The following FNDC3B variants were observed in gnomAD, a reference collection of about 807,000 sequenced individuals.
FNDC3B encodes fibronectin type III domain-containing protein 3B.
In FNDC3B, 12 loss-of-function variants were observed where a neutral mutation model predicts 151.5. That is an observed-to-expected ratio of 0.08 (90% CI 0.05 to 0.13). FNDC3B has a LOEUF of 0.13. FNDC3B is among the 10% of genes least tolerant of loss of function. The pLI is 1.00. For missense variants in FNDC3B, 1,214 were observed against 1,505.3 expected (o/e 0.81, Z 3.20); for synonymous variants, 528 against 549.0 (o/e 0.96, Z 0.54).
chr3:172,177,157 A>T (rs62283844), intron 3 of FNDC3B, among the ~76,000 whole-genome samples: 21,493 of 142,590 alleles, frequency 0.15, 1,706 homozygotes, highest in Non-Finnish European at 0.18. Context: ...ACCAGATTCT[A>T]CAAGGAAATA....
chr3:172,237,251 A>C (rs967687181), intron 4 of FNDC3B: 15 of 152,192 alleles, frequency 9.9e-5, no homozygotes, highest in Admixed American at 9.8e-4. Context: ...TGTTAACTGG[A>C]GCTAACCCTT....
At chr3:172,317,895 AC>A (rs1430384245) in intron 11 of FNDC3B, among the ~76,000 whole-genome samples, 1 of 152,244 alleles carries the variant, frequency 6.6e-6, no homozygotes, top group Non-Finnish European at 1.5e-5. Context: ...TAACTTCTGG[AC>A]ATGACATGCA....
intron 11 of FNDC3B, among the ~76,000 whole-genome samples, chr3:172,313,122 G>C (rs1169005466): frequency 6.6e-6 from 1 of 151,776 alleles, no homozygotes; most frequent in Non-Finnish European, 1.5e-5. Context: ...GCTCTGTTGA[G>C]CTTTGCTGAA....
chr3:172,069,289 G>C (rs1717654186), intron 1 of FNDC3B, among the ~76,000 whole-genome samples: 1 of 152,124 alleles, frequency 6.6e-6, no homozygotes, highest in South Asian at 2.1e-4. Context: ...GAAGTGGACA[G>C]TTTTGAATAT....
chr3:172,191,419 C>T (rs925275821), intron 3 of FNDC3B, among the ~76,000 whole-genome samples: 2 of 152,114 alleles, frequency 1.3e-5, no homozygotes, highest in African/African-American at 2.4e-5. Flanking sequence ...ATCATCATTC[C>T]CCATTCTAGA....
intron 1 of FNDC3B, among the ~76,000 whole-genome samples, chr3:172,060,625 G>A (rs1163084207): frequency 2.0e-5 from 3 of 152,170 alleles, no homozygotes; most frequent in African/African-American, 7.2e-5. Context: ...GCAGGGAGAT[G>A]TCTAATTCCT....
intron 9 of FNDC3B, among the ~76,000 whole-genome samples, chr3:172,303,459 A>G (rs560979824): frequency 1.3e-5 from 2 of 152,358 alleles, no homozygotes; most frequent in African/African-American, 4.8e-5. Context: ...TGTGGCTCCT[A>G]GTATGTTACA....
chr3:172,309,186 G>A (rs549002583), intron 10 of FNDC3B, among the ~76,000 whole-genome samples: 56 of 152,284 alleles, frequency 3.7e-4, no homozygotes, highest in African/African-American at 1.2e-3. Context: ...AATGTCCTTA[G>A]AACAGATTCC....
At chr3:172,294,905 A>G (rs1161521929) in intron 7 of FNDC3B, among the ~76,000 whole-genome samples, 5 of 152,236 alleles carry the variant, frequency 3.3e-5, no homozygotes, top group Non-Finnish European at 7.3e-5. Flanking sequence ...CCTTGGTTCC[A>G]GTTTTCCACC....
At chr3:172,158,306 C>A (rs985647746) in intron 3 of FNDC3B, among the ~76,000 whole-genome samples, 7 of 152,204 alleles carry the variant, frequency 4.6e-5, no homozygotes, top group African/African-American at 1.7e-4. Flanking sequence ...ATGTTTCTAT[C>A]AGCCATGTAC....
At chr3:172,125,853 G>C (rs938544160) in intron 2 of FNDC3B, among the ~76,000 whole-genome samples, 1 of 152,092 alleles carries the variant, frequency 6.6e-6, no homozygotes, top group Admixed American at 6.5e-5. Flanking sequence ...ATACCGTACC[G>C]GGTTGCTCAT....
chr3:172,232,380 A>C (rs1276027836), intron 4 of FNDC3B, among the ~76,000 whole-genome samples: 1 of 152,264 alleles, frequency 6.6e-6, no homozygotes, highest in Non-Finnish European at 1.5e-5. Flanking sequence ...TAATAAGCAG[A>C]TAATAAACTC....
intron 2 of FNDC3B, among the ~76,000 whole-genome samples, chr3:172,132,805 T>C (rs923028127): frequency 2.6e-5 from 4 of 152,222 alleles, no homozygotes; most frequent in Non-Finnish European, 4.4e-5. Context: ...AATAAAACTA[T>C]AAGGCTGTTG....
intron 3 of FNDC3B, among the ~76,000 whole-genome samples, chr3:172,162,175 C>T (rs1722813129): frequency 1.3e-5 from 2 of 152,120 alleles, no homozygotes; most frequent in East Asian, 3.9e-4. Context: ...GACGGGGCTT[C>T]ACCCTGTTGG....
chr3:172,284,684 T>C (rs138776148), intron 6 of FNDC3B, among the ~76,000 whole-genome samples: 1 of 149,912 alleles, frequency 6.7e-6, no homozygotes, highest in Admixed American at 6.7e-5. Flanking sequence ...CTGCTTATTA[T>C]ACACAGAGCT....
At chr3:172,306,771 G>A (rs905532528) in intron 9 of FNDC3B, among the ~76,000 whole-genome samples, 2 of 152,146 alleles carry the variant, frequency 1.3e-5, no homozygotes, top group African/African-American at 4.8e-5. Context: ...ATGTATAAGA[G>A]TTAAATATTC....
intron 2 of FNDC3B, among the ~76,000 whole-genome samples, chr3:172,121,248 A>G (rs554127780): frequency 6.6e-6 from 1 of 152,350 alleles, no homozygotes; most frequent in East Asian, 1.9e-4. Context: ...TTTTTCAGGC[A>G]TGTGCATTGT....
At chr3:172,263,109 A>G (rs1190394730) in intron 6 of FNDC3B, among the ~76,000 whole-genome samples, 1 of 149,338 alleles carries the variant, frequency 6.7e-6, no homozygotes, top group African/African-American at 2.5e-5. Flanking sequence ...ATATATATAT[A>G]TGGCATTTCT....
rs1392500914 is a variant in FNDC3B, at chr3:172,111,485, G to T, written c.-28-967G>T. Among the ~76,000 whole-genome samples, 9 of 152,062 alleles carry T rather than the reference G, an allele frequency of 5.9e-5. No homozygotes were observed. The South Asian group carries it at 1.7e-3, about 28-fold the overall frequency. On this transcript the variant is annotated intron_variant, in intron 1 of 25. Coordinates refer to ENST00000415807, the MANE Select transcript of FNDC3B (RefSeq NM_022763.4). ...AGTTGGGATAAGACTTCATTTTTTG[G>T]TGCTTAAAATAATTAGTTTCTCCAA...
Sources: gnomAD v4.1 joint callset for allele counts (sites outside exome capture counted in the v4.1 genomes callset) on GRCh38, gnomAD v4.1.1 for gene constraint, MANE v1.5 for transcripts, NCBI Gene and HGNC (gene_info 2026-07-23, HGNC 2026-07-21) for gene names.